The following MAP4K4 variants were observed in gnomAD, a reference collection of about 807,000 sequenced individuals.
MAP4K4 encodes mitogen-activated protein kinase kinase kinase kinase 4, also known as HPK/GCK-like kinase HGK.
MAP4K4 carries 38 observed loss-of-function variants against 189.6 expected under a neutral mutation model. The observed-to-expected ratio is 0.20, with a 90% CI of 0.15 to 0.26. The LOEUF is 0.26. MAP4K4 is among the 10% of genes least tolerant of loss of function. The probability of loss-of-function intolerance (pLI) is 1.00; values close to 1 mark genes in which losing one functional copy is unlikely to be tolerated. For synonymous variants in MAP4K4, 610 were observed against 624.3 expected (o/e 0.98, Z 0.34); for missense variants, 1,054 against 1,726.9 (o/e 0.61, Z 6.91).
At chr2:101,826,002 T>C (rs2149357647) in intron 5 of MAP4K4, among the ~76,000 whole-genome samples, 1 of 152,368 alleles carries the variant, frequency 6.6e-6, no homozygotes, top group Non-Finnish European at 1.5e-5. Flanking sequence ...AAAGCCATAT[T>C]GACAGCACAG....
chr2:101,710,747 A>G (rs915575883), intron 2 of MAP4K4, among the ~76,000 whole-genome samples: 3 of 152,212 alleles, frequency 2.0e-5, no homozygotes, highest in South Asian at 2.1e-4. Context: ...TATGATTTCA[A>G]TTCAGATGCT....
intron 3 of MAP4K4, among the ~76,000 whole-genome samples, chr2:101,812,187 AC>A (rs1331972388): frequency 6.6e-6 from 1 of 152,068 alleles, no homozygotes; most frequent in Admixed American, 6.5e-5. Flanking sequence ...TTTTCCTGCC[AC>A]CCCATGAGAG....
intron 2 of MAP4K4, among the ~76,000 whole-genome samples, chr2:101,724,060 T>C (rs1014194993): frequency 6.6e-6 from 1 of 152,240 alleles, no homozygotes; most frequent in East Asian, 1.9e-4. Context: ...AGCTGTAGAC[T>C]GAGCATCTTT....
At chr2:101,867,977 T>C in intron 20 of MAP4K4, 52 bp from the exon 21 acceptor site, 1 of 1,603,152 alleles carries the variant, frequency 6.2e-7, no homozygotes, top group Non-Finnish European at 8.5e-7. Flanking sequence ...GTACTGTGCA[T>C]TCCTCATCAA....
At chr2:101,719,747 C>CA (rs2050595491) in intron 2 of MAP4K4, among the ~76,000 whole-genome samples, 1 of 151,982 alleles carries the variant, frequency 6.6e-6, no homozygotes, top group South Asian at 2.1e-4. Flanking sequence ...CGTGGTGGCT[C>CA]ACGCCTGTAA....
At chr2:101,776,365 A>C (rs1279753693) in intron 2 of MAP4K4, among the ~76,000 whole-genome samples, 1 of 152,086 alleles carries the variant, frequency 6.6e-6, no homozygotes, top group Non-Finnish European at 1.5e-5. Context: ...TCTGAGCGAT[A>C]AGGCCTGTAG....
chr2:101,861,030 C>T (rs1048294247), intron 16 of MAP4K4, 44 bp downstream of exon 16: 59 of 1,531,802 alleles, frequency 3.9e-5, no homozygotes, highest in East Asian at 9.6e-5. Flanking sequence ...ACTCATGCAA[C>T]GGCTCGCTGA....
At position 101,748,619 on chromosome 2, in the gene MAP4K4, A is replaced by C. The variant is rs571809821; in HGVS notation, c.124-42101A>C. 5.9e-5 allele frequency among the ~76,000 whole-genome samples: 9 copies of C among 152,272 alleles called. No homozygotes were observed. In the South Asian group the frequency reaches 1.7e-3, roughly 28 times the overall value. On this transcript the variant is annotated intron_variant, in intron 2 of 32. Transcript: ENST00000324219. Reference sequence around the variant, plus strand: ...AGCCCAGGAGTTCGAGACTAGCGTGAGTGACATGGCAAAACCCCATCTCTA... The same window carrying C: ...AGCCCAGGAGTTCGAGACTAGCGTGCGTGACATGGCAAAACCCCATCTCTA...
At chr2:101,870,860 C>A (rs1441309603) in intron 23 of MAP4K4, among the ~76,000 whole-genome samples, 1 of 152,154 alleles carries the variant, frequency 6.6e-6, no homozygotes, top group African/African-American at 2.4e-5. Context: ...ATCACAGGCC[C>A]AGAGACTCGG....
At chr2:101,759,391 T>G (rs1427592565) in intron 2 of MAP4K4, among the ~76,000 whole-genome samples, 1 of 151,828 alleles carries the variant, frequency 6.6e-6, no homozygotes, top group African/African-American at 2.4e-5. Context: ...AAGGGTTTGT[T>G]TGTGAAGGGG....
At chr2:101,765,105 G>A (rs2078045274) in intron 2 of MAP4K4, among the ~76,000 whole-genome samples, 1 of 152,054 alleles carries the variant, frequency 6.6e-6, no homozygotes, top group Non-Finnish European at 1.5e-5. Context: ...ATTTCAAAAT[G>A]TGAGACCTTC....
exon 33 of MAP4K4, chr2:101,892,573 T>C (rs1396850919): frequency 7.0e-6 from 2 of 285,070 alleles, no homozygotes; most frequent in African/African-American, 2.3e-5. Flanking sequence ...AGGAACCTTT[T>C]CTTGGGGGTG....
At chr2:101,859,645 G>A (rs748601477) in exon 15 of MAP4K4, 2 of 1,602,028 alleles carry the variant, frequency 1.2e-6, no homozygotes. Flanking sequence ...TCTCCAAGGA[G>A]TGCCGATGGC....
At chr2:101,802,101 A>G (rs1313978428) in intron 3 of MAP4K4, among the ~76,000 whole-genome samples, 1 of 152,220 alleles carries the variant, frequency 6.6e-6, no homozygotes, top group Non-Finnish European at 1.5e-5. Context: ...TTTTGAAATC[A>G]TAATATGTTT....
chr2:101,873,895 T>C lies in MAP4K4; in HGVS notation c.3070+131T>C, dbSNP rs887344687. On this transcript the variant is annotated intron_variant, in intron 25 of 32. Transcript: ENST00000324219. ...GGGTACAGAAACTTCCCATCCCAGT[T>C]GTATGCCTTATTTGCAATGAGATGC... 6 of 790,684 alleles carry C rather than the reference T, an allele frequency of 7.6e-6. No individual in the cohort carries two copies. The African/African-American group carries it at 8.7e-5, about 11-fold the overall frequency. The allele number at this position is 790,684 out of a possible 1,614,324, so 49.0% of individuals were successfully genotyped here.
chr2:101,887,763 G>C lies in MAP4K4; in HGVS notation c.3772-15G>C. 1.3e-6 allele frequency: 2 copies of C among 1,597,336 alleles called. No individual in the cohort carries two copies. Among genetic ancestry groups the C allele is most frequent in the Non-Finnish European group, 1.7e-6 (2 of 1,171,370 alleles). ...CCACAGACGTTCTTCCCTGTACTTT[G>C]TTCCTGTTCTCTAGATCCAGTGTAG... On this transcript the variant is annotated splice_polypyrimidine_tract_variant and intron_variant, in intron 30 of 32. Transcript: ENST00000324219.
chr2:101,714,810 T>G (rs777740834), intron 2 of MAP4K4, among the ~76,000 whole-genome samples: 3 of 152,196 alleles, frequency 2.0e-5, no homozygotes, highest in Admixed American at 6.5e-5. Flanking sequence ...TTCCATAGGC[T>G]GCAGTCCACT....
chr2:101,716,478 A>G (rs1347106636), intron 2 of MAP4K4, among the ~76,000 whole-genome samples: 1 of 151,478 alleles, frequency 6.6e-6, no homozygotes, highest in Non-Finnish European at 1.5e-5. Context: ...AAAACTACAG[A>G]TGCTATTTTA....
At chr2:101,783,433 C>A (rs755451810) in intron 2 of MAP4K4, among the ~76,000 whole-genome samples, 10 of 152,126 alleles carry the variant, frequency 6.6e-5, no homozygotes, top group Non-Finnish European at 1.3e-4. Context: ...GAGTTTGCGA[C>A]TTTTCTTATA....
Sources: gnomAD v4.1 joint callset for allele counts (sites outside exome capture counted in the v4.1 genomes callset) on GRCh38, gnomAD v4.1.1 for gene constraint, MANE v1.5 for transcripts, NCBI Gene and HGNC (gene_info 2026-07-23, HGNC 2026-07-21) for gene names.